Variants in PLG observed in about 807,000 individuals in gnomAD.
PLG encodes the protein plasminogen.
In PLG, 41 loss-of-function variants were observed where a neutral mutation model predicts 104.4. The ratio of observed to expected loss-of-function variants is 0.39; its 90% CI spans 0.31 to 0.51. The LOEUF is 0.51. Ranked by LOEUF, PLG falls within the 20% of genes least tolerant of loss-of-function variation. PLG has a pLI of 0.76. For synonymous variants in PLG, 337 were observed against 357.1 expected, an observed-to-expected ratio of 0.94 and a Z score of 0.63; for missense variants, 891 against 1,003.6, an observed-to-expected ratio of 0.89 and a Z score of 1.52.
At chr6:160,717,687 G>A (rs1409780485) in intron 7 of PLG, among the ~76,000 whole-genome samples, 2 of 152,128 alleles carry the variant, frequency 1.3e-5, no homozygotes, top group Admixed American at 6.5e-5. Context: ...AGAATTCGGG[G>A]TGTGAGGTGA....
At chr6:160,702,846 C>G (rs2115146224) in intron 1 of PLG, among the ~76,000 whole-genome samples, 2 of 152,334 alleles carry the variant, frequency 1.3e-5, no homozygotes, top group African/African-American at 4.8e-5. Context: ...CTGAGGAAGG[C>G]TTTCCATCAG....
chr6:160,740,299 T>C lies in PLG; in HGVS notation c.2019-1012T>C, dbSNP rs1398835245. ...AGCTGATCTCCCTCCTGCTCCCCAG[T>C]GTCCTCCCCGCCATCCCAGCAAATG... is the stretch of plus-strand genomic sequence containing the variant. On this transcript the variant is annotated intron_variant, in intron 16 of 18. Transcript: ENST00000308192. The surrounding 1 kb of genome is among the most constrained non-coding windows in gnomAD (Gnocchi z 5.2). 6.6e-6 allele frequency among the ~76,000 whole-genome samples: 1 copy of C among 152,194 alleles called. No individual in the cohort carries two copies. The highest frequency in any genetic ancestry group is 1.9e-4 in the East Asian group (1 of 5,194).
chr6:160,702,453 G>T (rs191090705), intron 1 of PLG, 100 bp downstream of exon 1: 2 of 1,342,410 alleles, frequency 1.5e-6, no homozygotes, highest in Admixed American at 2.0e-5. Flanking sequence ...TTTAATTTTT[G>T]ATTCATGAAA....
At position 160,739,028 on chromosome 6, in the gene PLG, C is replaced by T. The variant is rs1177195218; in HGVS notation, c.1878-40C>T. On this transcript the variant is annotated intron_variant, in intron 15 of 18. Transcript: ENST00000308192. The surrounding 1 kb of genome is among the most constrained non-coding windows in gnomAD (Gnocchi z 4.4). ...ATGGCACAGAGGTTACCTGAAGGGG[C>T]TGGACCATATTTTCCTCTTGACGTC... 5.0e-6 allele frequency: 8 copies of T among 1,612,956 alleles called. No individual in the cohort carries two copies. The Admixed American group carries it at 1.3e-4, about 27-fold the overall frequency.
Position 160,740,654 on chromosome 6 carries a change from T to G in PLG, c.2019-657T>G, listed in dbSNP as rs1582949069. ...TCTTATTTCCAATCCTTTATCCTCTTGAACTTACTAAAGTAGAATCAGGTC... is the reference window on the plus strand; with the variant it reads ...TCTTATTTCCAATCCTTTATCCTCTGGAACTTACTAAAGTAGAATCAGGTC... On this transcript the variant is annotated intron_variant, in intron 16 of 18. Coordinates refer to ENST00000308192, the MANE Select transcript of PLG (RefSeq NM_000301.5). The surrounding 1 kb of genome is among the most constrained non-coding windows in gnomAD (Gnocchi z 5.2). 1.3e-5 allele frequency among the ~76,000 whole-genome samples: 2 copies of G among 152,354 alleles called. No individual in the cohort carries two copies. Among genetic ancestry groups the G allele is most frequent in the East Asian group, 3.9e-4 (2 of 5,194 alleles).
At chr6:160,712,946 T>C in intron 4 of PLG, 40 bp from the exon 5 acceptor site, 2 of 1,567,412 alleles carry the variant, frequency 1.3e-6, no homozygotes, top group Non-Finnish European at 1.8e-6. Context: ...AAGCTGATTT[T>C]TAGAATATAG....
At chr6:160,728,321 T>C (rs1777949578) in intron 10 of PLG, among the ~76,000 whole-genome samples, 1 of 152,234 alleles carries the variant, frequency 6.6e-6, no homozygotes, top group African/African-American at 2.4e-5. Context: ...TAAAGATATA[T>C]CACGCTTATA....
chr6:160,731,296 T>A lies in PLG; in HGVS notation c.1438+64T>A. The A allele has an allele frequency of 7.2e-7, 1 of 1,388,634 alleles. No homozygotes were observed. Among genetic ancestry groups the A allele is most frequent in the South Asian group, 1.2e-5 (1 of 86,490 alleles). 86.0% of individuals were successfully genotyped at this position (1,388,634 alleles called of 1,614,324 possible). A position where few individuals can be genotyped will look rare whatever the true frequency, so the allele number is the denominator to read the frequency against. On this transcript the variant is annotated intron_variant, in intron 11 of 18. Transcript: ENST00000308192. This position sits in a 1 kb window ranked among gnomAD's most constrained non-coding sequence, Gnocchi z 5.1. ...CTGGGATGAAAAGCCATGGAAAATC[T>A]CACTGATGCAGAAACCTTCCATGCT...
Position 160,716,666 on chromosome 6 carries a change from G to A in PLG, c.690G>A (p.Lys230=). Residue 230 remains lysine (K), a synonymous_variant, in exon 7 of 19, where the codon AAG becomes AAA. Transcript: ENST00000308192. Reference sequence around the variant, plus strand: ...TCAGATTTCCAAACAAGAACCTGAAGAAGAATTACTGTCGTAACCCCGATA... The same window carrying A: ...TCAGATTTCCAAACAAGAACCTGAAAAAGAATTACTGTCGTAACCCCGATA... The part of the protein sequence containing the change: ...IPSKFPNKNL[K]KNYCRNPDRE... 6.2e-7 allele frequency: 1 copy of A among 1,609,116 alleles called. No individual in the cohort carries two copies. Among genetic ancestry groups the A allele is most frequent in the South Asian group, 1.1e-5 (1 of 90,962 alleles).
chr6:160,708,952 C>A (rs1351023917), intron 3 of PLG, among the ~76,000 whole-genome samples: 2 of 148,262 alleles, frequency 1.3e-5, no homozygotes, highest in African/African-American at 2.5e-5. Flanking sequence ...AATAGGATCA[C>A]CTAATTGTAC....
rs1778133362 is a variant in PLG, at chr6:160,738,713, C to T, written c.1877+101C>T. 12 of 872,064 alleles carry T rather than the reference C, an allele frequency of 1.4e-5. No individual in the cohort carries two copies. Among genetic ancestry groups the T allele is most frequent in the East Asian group, 1.2e-4 (5 of 41,110 alleles). The allele number at this position is 872,064 out of a possible 1,614,324, so 54.0% of individuals were successfully genotyped here. Reference sequence around the variant, plus strand: ...TTCCTTTCTCACTCTTCCTCCCTTCCTTCTCTGGCTGTGACACTAGGGACC... The same window carrying T: ...TTCCTTTCTCACTCTTCCTCCCTTCTTTCTCTGGCTGTGACACTAGGGACC... On this transcript the variant is annotated intron_variant, in intron 15 of 18. Transcript: ENST00000308192. This position sits in a 1 kb window ranked among gnomAD's most constrained non-coding sequence, Gnocchi z 6.8.
rs1158755533 is a variant in PLG, at chr6:160,740,460, AC to A, written c.2019-847del. On this transcript the variant is annotated intron_variant, in intron 16 of 18. Transcript: ENST00000308192. The surrounding 1 kb of genome is among the most constrained non-coding windows in gnomAD (Gnocchi z 5.2). Reference sequence around the variant, plus strand: ...GATACATTTCGAGTTTAGAGTTCCCACCCCACATCCCCACACCCCGAGTCTA... The same window carrying A: ...GATACATTTCGAGTTTAGAGTTCCCACCCACATCCCCACACCCCGAGTCTA... Among the ~76,000 whole-genome samples the A allele has an allele frequency of 6.6e-6, 1 of 151,896 alleles. No homozygotes were observed. The highest frequency in any genetic ancestry group is 1.5e-5 in the Non-Finnish European group (1 of 67,974).
chr6:160,714,037 C>A (rs953551982), intron 5 of PLG, among the ~76,000 whole-genome samples: 15 of 152,158 alleles, frequency 9.9e-5, no homozygotes, highest in Admixed American at 5.2e-4. Context: ...TCACGGGGAT[C>A]CTTTATTTGT....
intron 10 of PLG, among the ~76,000 whole-genome samples, chr6:160,729,021 G>C (rs1777959305): frequency 6.6e-6 from 1 of 152,168 alleles, no homozygotes; most frequent in African/African-American, 2.4e-5. Flanking sequence ...CAAATGGTTT[G>C]TATCTAGAGT....
Position 160,734,159 on chromosome 6 carries a change from T to G in PLG, c.1681+71T>G. 1.2e-6 allele frequency: 1 copy of G among 856,742 alleles called. No individual in the cohort carries two copies. The highest frequency in any genetic ancestry group is 1.4e-5 in the South Asian group (1 of 74,032). The allele number at this position is 856,742 out of a possible 1,614,324, so 53.1% of individuals were successfully genotyped here. A position where few individuals can be genotyped will look rare whatever the true frequency, so the allele number is the denominator to read the frequency against. On this transcript the variant is annotated intron_variant, in intron 13 of 18. Transcript: ENST00000308192. The surrounding 1 kb of genome is among the most constrained non-coding windows in gnomAD (Gnocchi z 4.4). ...ATTTGCAACAAAAAAGGAAAAGGGC[T>G]TCTGAGCAGACTGCTTCTGGGGAGG... is the stretch of plus-strand genomic sequence containing the variant.
intron 4 of PLG, 80 bp from the exon 5 acceptor site, chr6:160,712,906 G>C: frequency 9.7e-7 from 1 of 1,034,908 alleles, no homozygotes; most frequent in Non-Finnish European, 1.5e-6. Context: ...GATGGGAATC[G>C]AGAGCATCTC....
Position 160,738,178 on chromosome 6 carries a change from G to GA in PLG, c.1803-357dup, listed in dbSNP as rs1314031065. 6.6e-6 allele frequency among the ~76,000 whole-genome samples: 1 copy of GA among 152,192 alleles called. No homozygotes were observed. Among genetic ancestry groups the GA allele is most frequent in the African/African-American group, 2.4e-5 (1 of 41,454 alleles). ...CTTACATAGATCTTGTCATAAAAATGAAAGAGGCCTCGGGGGAAGGTCTTG... is the reference window on the plus strand; with the variant it reads ...CTTACATAGATCTTGTCATAAAAATGAAAAGAGGCCTCGGGGGAAGGTCTTG... On this transcript the variant is annotated intron_variant, in intron 14 of 18. Transcript: ENST00000308192. This position sits in a 1 kb window ranked among gnomAD's most constrained non-coding sequence, Gnocchi z 6.8.
rs1184448912 is a variant in PLG at position 160,736,317 on chromosome 6, G to A, written c.1682-570G>A. On this transcript the variant is annotated intron_variant, in intron 13 of 18. Transcript: ENST00000308192. The surrounding 1 kb of genome is among the most constrained non-coding windows in gnomAD (Gnocchi z 5.2). ...TCATGGGAGGCTCCCCAGAGGAGCT[G>A]TCCTGAAGCTGGCTGACAGAAGGCA... Among the ~76,000 whole-genome samples the A allele has an allele frequency of 6.6e-6, 1 of 152,190 alleles. No homozygotes were observed. The highest frequency in any genetic ancestry group is 1.9e-4 in the East Asian group (1 of 5,192).
rs755731990 is a variant in PLG at position 160,731,197 on chromosome 6, T to A, written c.1403T>A (p.Val468Asp). ...EASVVAPPPV[V>D]LLPDVETPSE... Reference sequence around the variant, plus strand: ...AGTGTTGTAGCACCTCCGCCTGTTGTCCTGCTTCCAGATGTAGAGACTCCT... The same window carrying A: ...AGTGTTGTAGCACCTCCGCCTGTTGACCTGCTTCCAGATGTAGAGACTCCT... The change falls in exon 11 of 19, where the codon GTC becomes GAC. Residue 468 changes from valine (V) to aspartate (D), a missense_variant. By Grantham distance (152) the Val-to-Asp change is radical (BLOSUM62 -3). Transcript: ENST00000308192. The surrounding 1 kb of genome is among the most constrained non-coding windows in gnomAD (Gnocchi z 5.1). 1 of 1,614,174 alleles carries A rather than the reference T, an allele frequency of 6.2e-7. No individual in the cohort carries two copies. The highest frequency in any genetic ancestry group is 1.1e-5 in the South Asian group (1 of 91,090).
Sources: gnomAD v4.1 joint callset for allele counts (sites outside exome capture counted in the v4.1 genomes callset) on GRCh38, gnomAD v4.1.1 for gene constraint, Gnocchi (gnomAD v3.1) non-coding constraint, MANE v1.5 for transcripts, NCBI Gene and HGNC (gene_info 2026-07-23, HGNC 2026-07-21) for gene names.